KDM4A: variants seen among roughly 807,000 people sequenced by gnomAD.
KDM4A encodes lysine demethylase 4A, also known as lysine-specific demethylase 4A.
Under a neutral mutation model 127.1 loss-of-function variants are expected in KDM4A, and 23 were observed. The observed-to-expected ratio is 0.18, with a 90% confidence interval of 0.13 to 0.26. The LOEUF (loss-of-function observed/expected upper bound fraction) is 0.26, where lower values mean the gene tolerates loss of function less well. Ranked by LOEUF, KDM4A falls within the 10% of genes least tolerant of loss-of-function variation. The probability of loss-of-function intolerance (pLI) is 1.00; values close to 1 mark genes in which losing one functional copy is unlikely to be tolerated. For synonymous variants in KDM4A, 443 were observed against 466.5 expected (o/e 0.95, Z 0.65); for missense variants, 890 against 1,329.1 (o/e 0.67, Z 5.14).
chr1:43,655,950 C>A (rs1238872508), intron 3 of KDM4A, among the ~76,000 whole-genome samples, 184 bp downstream of exon 3: 1 of 152,182 alleles, frequency 6.6e-6, no homozygotes, highest in African/African-American at 2.4e-5. Context: ...GTGTCCCAGT[C>A]TAAACCTGTT....
chr1:43,669,049 G>A (rs1660561508), intron 9 of KDM4A, 51 bp from the exon 10 acceptor site: 1 of 1,586,398 alleles, frequency 6.3e-7, no homozygotes, highest in Non-Finnish European at 8.7e-7. Flanking sequence ...ATGTGTTTGA[G>A]TAAGTGGATG....
At chr1:43,697,289 G>A (rs1410604195) in intron 18 of KDM4A, among the ~76,000 whole-genome samples, 1 of 152,258 alleles carries the variant, frequency 6.6e-6, no homozygotes, top group African/African-American at 2.4e-5. Flanking sequence ...TGCATCAAGG[G>A]CAAGTTCAGA....
At position 43,666,559 on chromosome 1, in the gene KDM4A, A is replaced by G. The variant is rs1471418168; in HGVS notation, c.777+4A>G. The G allele has an allele frequency of 6.2e-7, 1 of 1,611,212 alleles. No homozygotes were observed. Among genetic ancestry groups the G allele is most frequent in the African/African-American group, 1.3e-5 (1 of 74,894 alleles). The stretch of plus-strand genomic sequence containing the variant: ...ATATGGAATTCCCTTTGACAAGGTG[A>G]GCTGATGTTACATGCCAAAGTTCTC... On this transcript the variant is annotated splice_donor_region_variant and intron_variant, in intron 7 of 21. Coordinates refer to ENST00000372396, the MANE Select transcript of KDM4A (RefSeq NM_014663.3).
chr1:43,652,974 G>A (rs534404876), intron 1 of KDM4A, among the ~76,000 whole-genome samples, 163 bp from the exon 2 acceptor site: 4 of 152,270 alleles, frequency 2.6e-5, no homozygotes, highest in Admixed American at 1.3e-4. Flanking sequence ...GTGAGCCACC[G>A]TGCCCGGCCC....
rs1277045090 is a variant in KDM4A, at chr1:43,698,151, T to C, written c.2841+138T>C. The stretch of plus-strand genomic sequence containing the variant: ...TCACCATGTCCTCAAACAGAAAGAA[T>C]CATCTGTACCAGTCTTTCTTTGCAA... On this transcript the variant is annotated intron_variant, in intron 19 of 21. Coordinates refer to ENST00000372396, the MANE Select transcript of KDM4A (RefSeq NM_014663.3). 3.8e-6 allele frequency: 3 copies of C among 790,818 alleles called. No homozygotes were observed. The African/African-American group carries it at 5.2e-5, about 14-fold the overall frequency. 49.0% of individuals were successfully genotyped at this position (790,818 alleles called of 1,614,324 possible). A position where few individuals can be genotyped will look rare whatever the true frequency, so the allele number is the denominator to read the frequency against.
At chr1:43,703,901 T>C (rs1024796083) in intron 20 of KDM4A, 119 bp from the exon 21 acceptor site, 11 of 1,290,888 alleles carry the variant, frequency 8.5e-6, no homozygotes, top group Admixed American at 1.8e-5. Context: ...TGAAGTAAGG[T>C]AGTTGTTATT....
intron 11 of KDM4A, among the ~76,000 whole-genome samples, chr1:43,677,336 C>G (rs1294573310): frequency 7.3e-6 from 1 of 137,770 alleles, no homozygotes; most frequent in East Asian, 2.0e-4. Context: ...CAGAGTGAGA[C>G]TCCATCTCAA....
chr1:43,693,579 A>G lies in KDM4A; in HGVS notation c.2376-415A>G, dbSNP rs1661172185. Among the ~76,000 whole-genome samples the G allele has an allele frequency of 1.3e-5, 2 of 152,198 alleles. No individual in the cohort carries two copies. Among genetic ancestry groups the G allele is most frequent in the South Asian group, 4.1e-4 (2 of 4,826 alleles). On this transcript the variant is annotated intron_variant, in intron 16 of 21. Transcript: ENST00000372396. The surrounding 1 kb of genome is among the most constrained non-coding windows in gnomAD (Gnocchi z 4.2). The stretch of plus-strand genomic sequence containing the variant: ...GAGAGGTTTGGGCAGAGGCCGAGAG[A>G]GAGCTGTGATTACTGGCAGATTAGG...
At chr1:43,684,981 C>T (rs1056157585) in intron 12 of KDM4A, among the ~76,000 whole-genome samples, 7 of 152,176 alleles carry the variant, frequency 4.6e-5, no homozygotes, top group South Asian at 2.1e-4. Context: ...AGTGCCTCCC[C>T]GGTTTGTAGC....
chr1:43,651,278 T>C (rs1660108420), intron 1 of KDM4A, among the ~76,000 whole-genome samples: 1 of 152,260 alleles, frequency 6.6e-6, no homozygotes, highest in Non-Finnish European at 1.5e-5. Flanking sequence ...TGCAGAGGAC[T>C]TAGTCCAGGT....
rs10686056 is a variant in KDM4A at position 43,658,502 on chromosome 1, A to ATTTT, written c.315-1780_315-1777dup. Among the ~76,000 whole-genome samples the ATTTT allele has an allele frequency of 5.6e-4, 74 of 131,792 alleles. 3 individuals are homozygous for ATTTT. The highest frequency in any genetic ancestry group is 1.7e-3 in the African/African-American group (58 of 34,170). 86.5% of individuals were successfully genotyped at this position (131,792 alleles called of 152,430 possible). A position where few individuals can be genotyped will look rare whatever the true frequency, so the allele number is the denominator to read the frequency against. On this transcript the variant is annotated intron_variant, in intron 3 of 21. Transcript: ENST00000372396. ...AAGTGTAAGGCAGTTACTTAGTCAG[A>ATTTT]TTTTTTTTTTTTTTTTTTTGAGATG...
At position 43,652,359 on chromosome 1, in the gene KDM4A, C is replaced by CT. The variant is rs554081633; in HGVS notation, c.-39-768dup. The stretch of plus-strand genomic sequence containing the variant: ...TCCTTTTTTTAGCTGAAACAATTTT[C>CT]TTTTTTTTTTCTTTCAAGAACAATC... On this transcript the variant is annotated intron_variant, in intron 1 of 21. Coordinates refer to ENST00000372396, the MANE Select transcript of KDM4A (RefSeq NM_014663.3). Among the ~76,000 whole-genome samples the CT allele has an allele frequency of 1.1e-3, 168 of 149,246 alleles. 1 individual carries two copies. The highest frequency in any genetic ancestry group is 1.6e-3 in the Admixed American group (24 of 14,978).
intron 3 of KDM4A, among the ~76,000 whole-genome samples, chr1:43,657,263 C>T (rs945395963): frequency 1.3e-5 from 2 of 151,234 alleles, no homozygotes; most frequent in Admixed American, 6.6e-5. Context: ...AGTGCAGTGG[C>T]GTGATCTCGG....
chr1:43,685,470 TAGAA>T (rs1341015975), intron 12 of KDM4A, among the ~76,000 whole-genome samples: 1 of 151,420 alleles, frequency 6.6e-6, no homozygotes, highest in African/African-American at 2.4e-5. Flanking sequence ...TTTTTTTCAG[TAGAA>T]AGATCATGGT....
chr1:43,693,945 C>G lies in KDM4A; in HGVS notation c.2376-49C>G. 6.6e-7 allele frequency: 1 copy of G among 1,522,482 alleles called. No individual in the cohort carries two copies. Among genetic ancestry groups the G allele is most frequent in the Non-Finnish European group, 9.1e-7 (1 of 1,098,444 alleles). The allele number at this position is 1,522,482 out of a possible 1,614,324, so 94.3% of individuals were successfully genotyped here. ...TCAGCAGGCCCAAAAGAGAAGGCCA[C>G]AGAGCCTTGGGCCCAGAGGTGACTG... On this transcript the variant is annotated intron_variant, in intron 16 of 21. Coordinates refer to ENST00000372396, the MANE Select transcript of KDM4A (RefSeq NM_014663.3). The surrounding 1 kb of genome is among the most constrained non-coding windows in gnomAD (Gnocchi z 4.2).
intron 11 of KDM4A, among the ~76,000 whole-genome samples, chr1:43,677,171 C>A (rs1208434236): frequency 6.6e-6 from 1 of 151,962 alleles, no homozygotes; most frequent in Non-Finnish European, 1.5e-5. Flanking sequence ...ATGGTGAAAC[C>A]TTGTCTTTAC....
chr1:43,691,377 A>G (rs1193014116), intron 14 of KDM4A, 119 bp from the exon 15 acceptor site: 1 of 890,370 alleles, frequency 1.1e-6, no homozygotes, highest in East Asian at 2.4e-5. Flanking sequence ...AAAGAAAACT[A>G]AGGGGTTTCT....
rs144610335 is a variant in KDM4A, at chr1:43,662,474, G to A, written c.430-420G>A. Among the ~76,000 whole-genome samples the A allele has an allele frequency of 3.5e-3, 539 of 152,256 alleles. 2 individuals carry two copies. Among genetic ancestry groups the A allele is most frequent in the Middle Eastern group, 0.014 (4 of 294 alleles). ...AATAGAAAAATTAGTTGGGCATGGT[G>A]GTGGGTGCCTGTAATCCCAGGTGCG... On this transcript the variant is annotated intron_variant, in intron 4 of 21. Transcript: ENST00000372396.
chr1:43,695,041 C>CA, intron 18 of KDM4A, 147 bp downstream of exon 18: 2 of 769,858 alleles, frequency 2.6e-6, no homozygotes, highest in Non-Finnish European at 4.0e-6. Context: ...GAGAGGTGGC[C>CA]CCTGTCCATC....
Sources: allele counts gnomAD v4.1 joint callset (sites outside exome capture counted in the v4.1 genomes callset), GRCh38; gene constraint gnomAD v4.1.1; non-coding constraint Gnocchi (gnomAD v3.1); transcripts MANE v1.5; gene names NCBI Gene and HGNC (gene_info 2026-07-23, HGNC 2026-07-21).